The following SORCS3 variants were observed in gnomAD, a reference collection of about 807,000 sequenced individuals.
The protein encoded by SORCS3 is sortilin related VPS10 domain containing receptor 3, also known as VPS10 domain-containing receptor SorCS3.
A neutral mutation model predicts 146.3 loss-of-function variants in SORCS3; 57 were observed. That is an observed-to-expected ratio of 0.39 (90% CI 0.31 to 0.49). SORCS3 has a LOEUF of 0.49. Ranked by LOEUF, SORCS3 falls within the 20% of genes least tolerant of loss-of-function variation. The pLI is 0.92. For missense variants in SORCS3, 1,341 were observed against 1,575.5 expected (o/e 0.85, Z 2.52); for synonymous variants, 653 against 618.5 (o/e 1.06, Z -0.83).
At chr10:104,963,855 T>G (rs1254595125) in intron 3 of SORCS3, among the ~76,000 whole-genome samples, 2 of 152,184 alleles carry the variant, frequency 1.3e-5, no homozygotes, top group Non-Finnish European at 2.9e-5. Flanking sequence ...CAATTTGTAA[T>G]TATTAGAAAC....
At chr10:104,749,688 G>A (rs1844949474) in intron 1 of SORCS3, among the ~76,000 whole-genome samples, 1 of 152,160 alleles carries the variant, frequency 6.6e-6, no homozygotes, top group Non-Finnish European at 1.5e-5. Flanking sequence ...AGTATGAACT[G>A]AACAAAAGCT....
At chr10:104,650,414 A>T (rs940788989) in intron 1 of SORCS3, among the ~76,000 whole-genome samples, 1 of 152,216 alleles carries the variant, frequency 6.6e-6, no homozygotes, top group Non-Finnish European at 1.5e-5. Context: ...TGATCCATAG[A>T]TGAATAATCA....
At chr10:105,124,957 G>A (rs1452273) in intron 7 of SORCS3, among the ~76,000 whole-genome samples, 11,085 of 152,234 alleles carry the variant, frequency 0.073, 590 homozygotes, top group Admixed American at 0.15. Context: ...CCCAGGTAGC[G>A]ACTGTTTCTA....
chr10:105,089,702 C>T, intron 5 of SORCS3, 73 bp from the exon 6 acceptor site: 1 of 1,206,030 alleles, frequency 8.3e-7, no homozygotes. Context: ...AGCAGTTGGC[C>T]CTGAGTGCAT....
At chr10:104,760,120 G>C (rs1312741570) in intron 1 of SORCS3, among the ~76,000 whole-genome samples, 1 of 152,200 alleles carries the variant, frequency 6.6e-6, no homozygotes, top group Admixed American at 6.5e-5. Context: ...GGAGGGACCT[G>C]TCCTGGTGTG....
At chr10:104,739,952 G>T (rs934521641) in intron 1 of SORCS3, among the ~76,000 whole-genome samples, 2 of 152,172 alleles carry the variant, frequency 1.3e-5, no homozygotes, top group Non-Finnish European at 2.9e-5. Flanking sequence ...CTTTTGTGTA[G>T]TAAGTATGCA....
In SORCS3 at chr10:104,687,732, C is replaced by T. The variant is rs117234681; in HGVS notation, c.627+45778C>T. Among the ~76,000 whole-genome samples, 216 of 152,174 alleles carry T rather than the reference C, an allele frequency of 1.4e-3. 1 individual carries two copies. Among genetic ancestry groups the T allele is most frequent in the African/African-American group, 4.6e-3 (192 of 41,506 alleles). On this transcript the variant is annotated intron_variant, in intron 1 of 26. Transcript: ENST00000369701. ...TGCCTGTCAAGAGGGTGGTGGGGAG[C>T]GGAGGGCTGGAAGGCACAGGCTCTG...
intron 16 of SORCS3, among the ~76,000 whole-genome samples, chr10:105,204,076 G>A (rs1013948927): frequency 6.6e-6 from 1 of 152,084 alleles, no homozygotes; most frequent in Non-Finnish European, 1.5e-5. Context: ...AGCACGGTGG[G>A]AGAGGCGAGG....
At chr10:104,826,572 T>C (rs1319359651) in intron 1 of SORCS3, among the ~76,000 whole-genome samples, 2 of 152,216 alleles carry the variant, frequency 1.3e-5, no homozygotes, top group Admixed American at 6.5e-5. Flanking sequence ...AAAAATATTT[T>C]ATTGCTAAAA....
At chr10:104,910,643 T>C (rs116602239) in intron 2 of SORCS3, among the ~76,000 whole-genome samples, 1 of 152,370 alleles carries the variant, frequency 6.6e-6, no homozygotes, top group African/African-American at 2.4e-5. Flanking sequence ...ATGTGTTGTT[T>C]ATGCACACAA....
At chr10:104,881,822 C>T (rs1175795010) in intron 2 of SORCS3, among the ~76,000 whole-genome samples, 1 of 152,184 alleles carries the variant, frequency 6.6e-6, no homozygotes, top group Non-Finnish European at 1.5e-5. Context: ...CCTAACTGGC[C>T]ATGTGACCTT....
At position 104,879,560 on chromosome 10, in the gene SORCS3, C is replaced by A. The variant is rs187071071; in HGVS notation, c.696-36273C>A. Among the ~76,000 whole-genome samples, 445 of 152,256 alleles carry A rather than the reference C, an allele frequency of 2.9e-3. 2 individuals are homozygous for A. The highest frequency in any genetic ancestry group is 0.018 in the South Asian group (88 of 4,820). On this transcript the variant is annotated intron_variant, in intron 2 of 26. Coordinates refer to ENST00000369701, the MANE Select transcript of SORCS3 (RefSeq NM_014978.3). ...TATTGGCAGGCCCCAGAGATTAGGGCTTGGACATCTTCAGGGGCTATTATT... is the reference window on the plus strand; with the variant it reads ...TATTGGCAGGCCCCAGAGATTAGGGATTGGACATCTTCAGGGGCTATTATT...
chr10:104,841,052 G>GTGTGTGTGTA (rs1213811575), intron 1 of SORCS3, among the ~76,000 whole-genome samples: 4 of 152,158 alleles, frequency 2.6e-5, no homozygotes, highest in African/African-American at 9.6e-5. Flanking sequence ...TTTGAGGTGT[G>GTGTGTGTGTA]TGTGTGTGTA....
intron 1 of SORCS3, among the ~76,000 whole-genome samples, chr10:104,764,963 G>A (rs1334663856): frequency 2.6e-5 from 4 of 152,200 alleles, no homozygotes; most frequent in Non-Finnish European, 4.4e-5. Context: ...CTGAAGGCAT[G>A]AGTGCTGTGA....
intron 1 of SORCS3, among the ~76,000 whole-genome samples, chr10:104,801,323 G>A (rs1207795507): frequency 6.6e-6 from 1 of 152,228 alleles, no homozygotes; most frequent in African/African-American, 2.4e-5. Context: ...AGGCAGCGTA[G>A]GGGAGTGGGC....
chr10:104,786,565 A>G (rs2017438934), intron 1 of SORCS3, among the ~76,000 whole-genome samples: 1 of 148,934 alleles, frequency 6.7e-6, no homozygotes, highest in Admixed American at 6.7e-5. Context: ...TAATAATAAT[A>G]ATAATAATAA....
intron 14 of SORCS3, among the ~76,000 whole-genome samples, chr10:105,186,799 G>A (rs866798925): frequency 4.7e-5 from 7 of 150,450 alleles, no homozygotes; most frequent in South Asian, 2.1e-4. Flanking sequence ...TGGGAGAATC[G>A]CTTGAAACCA....
intron 3 of SORCS3, among the ~76,000 whole-genome samples, chr10:104,972,592 T>C (rs2054867035): frequency 6.6e-6 from 1 of 151,386 alleles, no homozygotes; most frequent in African/African-American, 2.4e-5. Context: ...AAAAATGCTG[T>C]GATTAACAGT....
At chr10:105,044,370 C>T (rs907691227) in intron 5 of SORCS3, among the ~76,000 whole-genome samples, 3 of 151,850 alleles carry the variant, frequency 2.0e-5, no homozygotes, top group East Asian at 1.9e-4. Flanking sequence ...ATTAGGCCAC[C>T]GTACTCTAGC....
Sources: allele counts gnomAD v4.1 joint callset (sites outside exome capture counted in the v4.1 genomes callset), GRCh38; gene constraint gnomAD v4.1.1; transcripts MANE v1.5; gene names NCBI Gene and HGNC (gene_info 2026-07-23, HGNC 2026-07-21).